Variants in RNF115 observed in about 807,000 individuals in gnomAD.
RNF115 encodes the protein E3 ubiquitin-protein ligase RNF115.
In RNF115, 31 loss-of-function variants were observed where a neutral mutation model predicts 39.2. The ratio of observed to expected loss-of-function variants is 0.79; its 90% CI spans 0.59 to 1.07. RNF115 has a LOEUF of 1.07. Ranked by LOEUF, RNF115 falls within the 50% of genes least tolerant of loss-of-function variation. The pLI is 0.00. For missense variants in RNF115, 384 were observed against 381.7 expected (o/e 1.01, Z -0.05); for synonymous variants, 124 against 131.0 (o/e 0.95, Z 0.37).
At chr1:145,802,267 TC>T (rs1649280557) in intron 1 of RNF115, among the ~76,000 whole-genome samples, 1 of 152,092 alleles carries the variant, frequency 6.6e-6, no homozygotes. Context: ...AGGTTCTGAA[TC>T]GAGAACAACT....
chr1:145,758,771 G>C (rs1658393218), intron 4 of RNF115, among the ~76,000 whole-genome samples: 1 of 152,166 alleles, frequency 6.6e-6, no homozygotes, highest in Non-Finnish European at 1.5e-5. Flanking sequence ...CTTACTCTCT[G>C]GAAGTCAGAT....
At chr1:145,777,730 G>C (rs1647949138) in intron 3 of RNF115, among the ~76,000 whole-genome samples, 3 of 152,102 alleles carry the variant, frequency 2.0e-5, no homozygotes, top group Admixed American at 2.0e-4. Context: ...GAATCACAGA[G>C]ACAGTTTGAC....
chr1:145,752,546 G>A (rs1374646931), intron 5 of RNF115, among the ~76,000 whole-genome samples: 3 of 146,820 alleles, frequency 2.0e-5, no homozygotes, highest in Non-Finnish European at 4.4e-5. Flanking sequence ...TGGCAGTGTA[G>A]CAGCCTCCAG....
chr1:145,781,196 T>C (rs1648131852), intron 3 of RNF115, among the ~76,000 whole-genome samples: 1 of 152,174 alleles, frequency 6.6e-6, no homozygotes, highest in South Asian at 2.1e-4. Context: ...GAAATTTTCT[T>C]GGAATAAGCC....
chr1:145,779,623 A>G (rs1648033364), intron 3 of RNF115, among the ~76,000 whole-genome samples: 5 of 152,134 alleles, frequency 3.3e-5, no homozygotes, highest in Admixed American at 3.3e-4. Flanking sequence ...GTATTTTGCT[A>G]AAAAATGCAT....
chr1:145,750,633 G>T, intron 6 of RNF115, 133 bp from the exon 7 acceptor site: 1 of 657,950 alleles, frequency 1.5e-6, no homozygotes, highest in Non-Finnish European at 2.6e-6. Flanking sequence ...AAGGCTCTGA[G>T]AGGCTTGGGT....
At chr1:145,798,469 A>T (rs1649082983) in intron 1 of RNF115, among the ~76,000 whole-genome samples, 1 of 152,178 alleles carries the variant, frequency 6.6e-6, no homozygotes, top group Non-Finnish European at 1.5e-5. Context: ...GTCCAAGATC[A>T]TCTGACCACA....
chr1:145,770,726 A>G (rs1553715622), intron 4 of RNF115, among the ~76,000 whole-genome samples: 2 of 152,188 alleles, frequency 1.3e-5, no homozygotes, highest in African/African-American at 4.8e-5. Context: ...ACACAAATTA[A>G]ACAACATAAA....
intron 4 of RNF115, among the ~76,000 whole-genome samples, chr1:145,759,163 C>T (rs886737368): frequency 2.6e-5 from 4 of 152,166 alleles, no homozygotes; most frequent in South Asian, 2.1e-4. Flanking sequence ...TTCTAACCAT[C>T]GAGGGCCCAG....
At chr1:145,793,184 G>A (rs1453049188) in intron 1 of RNF115, among the ~76,000 whole-genome samples, 1 of 152,192 alleles carries the variant, frequency 6.6e-6, no homozygotes, top group Non-Finnish European at 1.5e-5. Flanking sequence ...CAGGTATGGT[G>A]GCGCATGCCT....
chr1:145,794,619 G>C lies in RNF115; in HGVS notation c.103-5653C>G, dbSNP rs587745445. Among the ~76,000 whole-genome samples the C allele has an allele frequency of 3.4e-5, 5 of 145,436 alleles. No individual in the cohort carries two copies. In the East Asian group the frequency reaches 1.0e-3, roughly 29 times the overall value. ...GAAGTCCCCACTTCACATGGTCCCA[G>C]TCACGGTTCTGTGTCCGGAATTTAT... On this transcript the variant is annotated intron_variant, in intron 1 of 8. Coordinates refer to ENST00000582693, the MANE Select transcript of RNF115 (RefSeq NM_014455.4).
chr1:145,765,755 C>T (rs1553714696), intron 4 of RNF115, among the ~76,000 whole-genome samples: 2 of 152,164 alleles, frequency 1.3e-5, no homozygotes, highest in African/African-American at 4.8e-5. Flanking sequence ...TCAAAAGCTG[C>T]AGATTAGAGG....
At position 145,744,803 on chromosome 1, in the gene RNF115, T is replaced by A. The variant is rs192345645; in HGVS notation, c.*2063A>T. On this transcript the variant is annotated 3_prime_UTR_variant, in exon 9 of 9. Transcript: ENST00000582693. ...TTGGTACACCAACAGTTGTTCTATG[T>A]CCCCATCATTTCCTTTTGAGACCTT... The A allele has an allele frequency of 3.9e-5, 6 of 152,334 alleles. No individual in the cohort carries two copies. In the East Asian group the frequency reaches 5.8e-4, roughly 15 times the overall value. The allele number at this position is 152,334 out of a possible 1,614,324, so 9.4% of individuals were successfully genotyped here. A position where few individuals can be genotyped will look rare whatever the true frequency, so the allele number is the denominator to read the frequency against.
chr1:145,767,476 C>G (rs1647387508), intron 4 of RNF115, among the ~76,000 whole-genome samples: 2 of 151,200 alleles, frequency 1.3e-5, no homozygotes, highest in Admixed American at 1.3e-4. Context: ...AGAGACGCTC[C>G]TCACTTTCCA....
intron 2 of RNF115, among the ~76,000 whole-genome samples, chr1:145,787,639 C>A (rs1187897709): frequency 6.6e-6 from 1 of 150,378 alleles, no homozygotes; most frequent in Non-Finnish European, 1.5e-5. Flanking sequence ...GTAATCCCAG[C>A]ACTTTGGGAG....
At chr1:145,781,857 A>T (rs1270225242) in intron 3 of RNF115, among the ~76,000 whole-genome samples, 1 of 151,144 alleles carries the variant, frequency 6.6e-6, no homozygotes, top group Admixed American at 6.6e-5. Context: ...TATACTTGTT[A>T]CATATACCCC....
chr1:145,756,734 A>T (rs1053799359), intron 4 of RNF115, among the ~76,000 whole-genome samples: 6 of 150,714 alleles, frequency 4.0e-5, no homozygotes, highest in Non-Finnish European at 8.8e-5. Context: ...AATCTTTGCC[A>T]TTCCTTGATT....
chr1:145,760,745 C>T (rs1553713721), intron 4 of RNF115, among the ~76,000 whole-genome samples: 1 of 152,024 alleles, frequency 6.6e-6, no homozygotes, highest in Non-Finnish European at 1.5e-5. Context: ...TAAATTGGTG[C>T]CAGGAGTGGG....
intron 1 of RNF115, among the ~76,000 whole-genome samples, chr1:145,815,399 C>A (rs1354226910): frequency 1.3e-5 from 2 of 152,256 alleles, no homozygotes; most frequent in African/African-American, 4.8e-5. Flanking sequence ...AAGAACCACC[C>A]TAGTCTCATC....
Sources: gnomAD v4.1 joint callset for allele counts (sites outside exome capture counted in the v4.1 genomes callset) on GRCh38, gnomAD v4.1.1 for gene constraint, MANE v1.5 for transcripts, NCBI Gene and HGNC (gene_info 2026-07-23, HGNC 2026-07-21) for gene names.